Variants in MYH7B observed in about 807,000 individuals in gnomAD.
MYH7B encodes myosin-7B.
A neutral mutation model predicts 234.5 loss-of-function variants in MYH7B; 205 were observed. The observed-to-expected ratio is 0.87, with a 90% CI of 0.78 to 0.98. The LOEUF is 0.98. MYH7B is among the 50% of genes least tolerant of loss of function. MYH7B has a pLI of 0.00. For missense variants in MYH7B, 2,652 were observed against 2,633.4 expected, an observed-to-expected ratio of 1.01 and a Z score of -0.15; for synonymous variants, 1,193 against 1,105.0, an observed-to-expected ratio of 1.08 and a Z score of -1.58.
At chr20:34,999,145 G>A (rs757115630) in exon 36 of MYH7B, 16 of 1,613,712 alleles carry the variant, frequency 9.9e-6, no homozygotes, top group Middle Eastern at 1.6e-4. Flanking sequence ...GCCAAGCTGC[G>A]GCTACAGACA....
exon 16 of MYH7B, chr20:34,987,196 C>T (rs1569043255): frequency 6.2e-7 from 1 of 1,613,062 alleles, no homozygotes; most frequent in East Asian, 2.2e-5. Flanking sequence ...AATGTGCCTG[C>T]TATAAGATCG....
chr20:34,974,226 C>CTTT (rs1184689535), intron 2 of MYH7B, among the ~76,000 whole-genome samples: 6 of 123,350 alleles, frequency 4.9e-5, no homozygotes, highest in East Asian at 2.2e-4. Context: ...CATGCCCAGC[C>CTTT]TTTTTTTTTT....
intron 25 of MYH7B, 41 bp from the exon 26 acceptor site, chr20:34,993,293 T>C: frequency 6.2e-7 from 1 of 1,614,002 alleles, no homozygotes; most frequent in Non-Finnish European, 8.5e-7. Flanking sequence ...TTCATGCGGA[T>C]GGTTGGGGGT....
At chr20:35,000,746 C>T in intron 39 of MYH7B, 22 bp from the exon 40 acceptor site, 1 of 1,608,772 alleles carries the variant, frequency 6.2e-7, no homozygotes, top group Non-Finnish European at 8.5e-7. Flanking sequence ...CTGGCTGGCT[C>T]TGAGACTCCT....
At chr20:34,965,546 G>C (rs1341515599) in intron 2 of MYH7B, among the ~76,000 whole-genome samples, 3 of 152,346 alleles carry the variant, frequency 2.0e-5, no homozygotes, top group East Asian at 3.9e-4. Context: ...AATGGGATCT[G>C]TCTGCTCCTG....
At chr20:34,990,949 C>A (rs1307228291) in intron 23 of MYH7B, 55 bp from the exon 24 acceptor site, 2 of 1,571,988 alleles carry the variant, frequency 1.3e-6, no homozygotes, top group African/African-American at 2.7e-5. Flanking sequence ...TGCTTTTTCT[C>A]TGGGGCCTGC....
chr20:35,000,108 T>G (rs1312813886), intron 38 of MYH7B, among the ~76,000 whole-genome samples, 185 bp from the exon 39 acceptor site: 1 of 152,188 alleles, frequency 6.6e-6, no homozygotes, highest in Non-Finnish European at 1.5e-5. Context: ...CACCTCTGTC[T>G]GCCTGGGCCT....
chr20:34,991,817 C>A (rs2082155738), intron 24 of MYH7B, among the ~76,000 whole-genome samples: 1 of 152,236 alleles, frequency 6.6e-6, no homozygotes, highest in Admixed American at 6.5e-5. Context: ...AGATACCATA[C>A]ACGCACACAC....
At chr20:34,983,162 G>A (rs763630759) in intron 10 of MYH7B, among the ~76,000 whole-genome samples, 3 of 152,130 alleles carry the variant, frequency 2.0e-5, no homozygotes, top group African/African-American at 7.2e-5. Context: ...CCAGAAGCCC[G>A]AGGCCTCCCT....
chr20:34,983,467 CG>C (rs1230207267), intron 10 of MYH7B, among the ~76,000 whole-genome samples: 1 of 151,904 alleles, frequency 6.6e-6, no homozygotes, highest in Admixed American at 6.6e-5. Context: ...TCTCTGGGGA[CG>C]TAACAGAAAG....
rs2082342230 is a variant in MYH7B at position 35,000,164 on chromosome 20, A to G, written c.4782-129A>G. 1.1e-5 allele frequency: 13 copies of G among 1,206,146 alleles called. No homozygotes were observed. In the South Asian group the frequency reaches 1.8e-4, roughly 16 times the overall value. 74.7% of individuals were successfully genotyped at this position (1,206,146 alleles called of 1,614,324 possible). A position where few individuals can be genotyped will look rare whatever the true frequency, so the allele number is the denominator to read the frequency against. On this transcript the variant is annotated intron_variant, in intron 38 of 44. Coordinates refer to ENST00000262873, the Ensembl canonical transcript of MYH7B. ...CTCTGATGGGCCACAGGCAGTCACA[A>G]GAGACTTTAAATCGGGGAGGGGTGA...
At chr20:35,002,336 C>T in exon 45 of MYH7B, 1 of 870,792 alleles carries the variant, frequency 1.1e-6, no homozygotes, top group Non-Finnish European at 1.6e-6. Context: ...CAGTTTCCTT[C>T]TCATTCTTTT....
At chr20:34,977,738 G>GGGGGCCCCCCC in intron 4 of MYH7B, 58 bp downstream of exon 4, 1 of 317,154 alleles carries the variant, frequency 3.2e-6, no homozygotes, top group Non-Finnish European at 5.9e-6. Context: ...GGGCGGGTGG[G>GGGGGCCCCCCC]TGAGGGTGCC....
rs2082110285 is a variant in MYH7B at position 34,989,936 on chromosome 20, AC to A, written c.1767+21del. The A allele has an allele frequency of 6.2e-7, 1 of 1,612,136 alleles. No individual in the cohort carries two copies. Among genetic ancestry groups the A allele is most frequent in the Non-Finnish European group, 8.5e-7 (1 of 1,179,026 alleles). On this transcript the variant is annotated intron_variant, in intron 20 of 44. Transcript: ENST00000262873. ...GCAGGCGTGGTAGGTGCTTGCTGGA[AC>A]CCCAGCCCTCGGCCAGGCTCCTCCC...
chr20:34,956,182 G>T (rs1001072764), intron 1 of MYH7B, among the ~76,000 whole-genome samples, 175 bp downstream of exon 1: 1 of 152,206 alleles, frequency 6.6e-6, no homozygotes, highest in African/African-American at 2.4e-5. Context: ...CAGGGGCTGA[G>T]CCTGTATTAG....
intron 19 of MYH7B, 38 bp downstream of exon 19, chr20:34,988,300 G>A (rs1278878435): frequency 6.3e-7 from 1 of 1,589,670 alleles, no homozygotes; most frequent in Non-Finnish European, 8.6e-7. Flanking sequence ...GGAAGGGAGG[G>A]TGTGTGTGGT....
chr20:34,968,812 G>A (rs1357237123), intron 2 of MYH7B, among the ~76,000 whole-genome samples: 2 of 152,066 alleles, frequency 1.3e-5, no homozygotes, highest in Non-Finnish European at 2.9e-5. Context: ...CACAGCGCAC[G>A]TAGCGTAGAG....
chr20:34,957,034 A>G (rs1041640849), intron 1 of MYH7B, among the ~76,000 whole-genome samples: 1 of 152,226 alleles, frequency 6.6e-6, no homozygotes, highest in African/African-American at 2.4e-5. Flanking sequence ...TGCCTGGGTG[A>G]CAGCGTGAGA....
chr20:34,987,884 T>G, exon 18 of MYH7B: 1 of 1,609,282 alleles, frequency 6.2e-7, no homozygotes, highest in Non-Finnish European at 8.5e-7. Flanking sequence ...TCATCGGGGT[T>G]CTGGACATCG....
Sources: gnomAD v4.1 joint callset for allele counts (sites outside exome capture counted in the v4.1 genomes callset) on GRCh38, gnomAD v4.1.1 for gene constraint, MANE v1.5 for transcripts, NCBI Gene and HGNC (gene_info 2026-07-23, HGNC 2026-07-21) for gene names.